Variants in CDYL observed in about 807,000 individuals in gnomAD.
CDYL encodes chromodomain Y like, also known as chromodomain Y-like protein.
In CDYL, 8 loss-of-function variants were observed where a neutral mutation model predicts 47.3. The observed-to-expected ratio is 0.17, with a 90% CI of 0.10 to 0.31. The LOEUF is 0.31. Ranked by LOEUF, CDYL falls within the 10% of genes least tolerant of loss-of-function variation. The pLI, the probability that CDYL is intolerant of heterozygous loss-of-function variation, is 1.00. For missense variants in CDYL, 471 were observed against 701.4 expected (o/e 0.67, Z 3.71); for synonymous variants, 266 against 265.0 (o/e 1.00, Z -0.04).
intron 2 of CDYL, among the ~76,000 whole-genome samples, chr6:4,930,976 C>T (rs1245632222): frequency 6.6e-6 from 1 of 152,056 alleles, no homozygotes; most frequent in Non-Finnish European, 1.5e-5. Context: ...CGGTTTTTTT[C>T]TGAATCTCAG....
At chr6:4,885,393 G>A (rs1761874440) in intron 1 of CDYL, among the ~76,000 whole-genome samples, 1 of 152,174 alleles carries the variant, frequency 6.6e-6, no homozygotes, top group African/African-American at 2.4e-5. Flanking sequence ...CCTTTGTTCA[G>A]TGTCTCCATG....
intron 1 of CDYL, among the ~76,000 whole-genome samples, chr6:4,839,446 T>C (rs941994957): frequency 1.3e-5 from 2 of 152,258 alleles, no homozygotes; most frequent in African/African-American, 4.8e-5. Flanking sequence ...TATTTATCTT[T>C]GTTTTTGTTG....
intron 1 of CDYL, among the ~76,000 whole-genome samples, chr6:4,795,722 A>G (rs377453042): frequency 1.3e-5 from 2 of 150,858 alleles, no homozygotes; most frequent in East Asian, 3.9e-4. Context: ...TTTTTTTTAA[A>G]GAATCAGTTT....
intron 1 of CDYL, among the ~76,000 whole-genome samples, chr6:4,842,107 ATTAT>A (rs1760514495): frequency 6.9e-6 from 1 of 143,978 alleles, no homozygotes. Flanking sequence ...ATATATTTAT[ATTAT>A]TTATATATAA....
chr6:4,941,640 T>C (rs1758362430), intron 4 of CDYL, among the ~76,000 whole-genome samples: 1 of 152,374 alleles, frequency 6.6e-6, no homozygotes, highest in East Asian at 1.9e-4. Flanking sequence ...TATCAAAATC[T>C]AAGTTTCGAC....
At chr6:4,724,315 T>G (rs1285006445) in intron 2 of CDYL, 2 of 151,996 alleles carry the variant, frequency 1.3e-5, no homozygotes, top group African/African-American at 4.8e-5. Flanking sequence ...CCTCCCAACG[T>G]GATGGGATTA....
At chr6:4,852,249 T>C (rs1452653641) in intron 1 of CDYL, among the ~76,000 whole-genome samples, 2 of 152,220 alleles carry the variant, frequency 1.3e-5, no homozygotes, top group East Asian at 3.9e-4. Context: ...GGTGGAACTA[T>C]TTTGCAAGGA....
chr6:4,947,735 A>G (rs767848998), intron 5 of CDYL, among the ~76,000 whole-genome samples: 107 of 152,140 alleles, frequency 7.0e-4, no homozygotes, highest in Admixed American at 1.5e-3. Context: ...GGTCTGGTAG[A>G]TTAGGTGCCA....
chr6:4,915,857 G>A (rs1757541546), intron 2 of CDYL, among the ~76,000 whole-genome samples: 1 of 152,152 alleles, frequency 6.6e-6, no homozygotes, highest in Admixed American at 6.5e-5. Context: ...CTGCTACCTG[G>A]AGACTTCGTC....
intron 1 of CDYL, among the ~76,000 whole-genome samples, chr6:4,826,121 AGTT>A (rs1202102446): frequency 1.3e-5 from 2 of 152,240 alleles, no homozygotes; most frequent in Non-Finnish European, 2.9e-5. Context: ...GACTAGGATC[AGTT>A]GTTTGTAGGA....
At chr6:4,906,035 G>A (rs1757224383) in intron 2 of CDYL, among the ~76,000 whole-genome samples, 2 of 152,148 alleles carry the variant, frequency 1.3e-5, no homozygotes, top group Non-Finnish European at 1.5e-5. Flanking sequence ...AAAATCAAAT[G>A]GTAAGATGAC....
chr6:4,890,808 AGATACAGAGTCACATGCTGCCCCCAG>A (rs1370611625), intron 1 of CDYL, among the ~76,000 whole-genome samples: 2 of 152,242 alleles, frequency 1.3e-5, no homozygotes, highest in African/African-American at 4.8e-5. Context: ...TCTGCCCACA[AGATACAGAGTCACATGCTGCCCCCAG>A]GATGCAAGCT....
chr6:4,952,854 A>C (rs960899909), intron 6 of CDYL, among the ~76,000 whole-genome samples: 1 of 150,572 alleles, frequency 6.6e-6, no homozygotes, highest in South Asian at 2.1e-4. Flanking sequence ...TGCAACCTCA[A>C]CCTCCCGGGT....
In CDYL at chr6:4,953,942, G is replaced by A; in HGVS notation, c.1521G>A (p.Met507Ile). Residue 507 changes from methionine to isoleucine, a missense_variant, in exon 7 of 7, where the codon ATG becomes ATA. This residue lies in a region of CDYL where 57 missense variants were observed against 74.3 expected (regional missense o/e 0.77). Transcript: ENST00000397588. ...SKALVRCNMK[M>I]ELEQANEREC... Reference sequence around the variant, plus strand: ...CCCTCGTGCGCTGCAACATGAAGATGGAGCTGGAGCAGGCCAACGAGAGGG... The same window carrying A: ...CCCTCGTGCGCTGCAACATGAAGATAGAGCTGGAGCAGGCCAACGAGAGGG... 2 of 1,614,090 alleles carry A rather than the reference G, an allele frequency of 1.2e-6. No homozygotes were observed. The highest frequency in any genetic ancestry group is 8.5e-7 in the Non-Finnish European group (1 of 1,180,000).
At chr6:4,791,522 T>A (rs1433266346) in intron 1 of CDYL, among the ~76,000 whole-genome samples, 1 of 152,224 alleles carries the variant, frequency 6.6e-6, no homozygotes. Flanking sequence ...GAGGATATTC[T>A]GTGTTGTCAA....
chr6:4,761,489 G>A (rs527904661), intron 3 of CDYL, among the ~76,000 whole-genome samples: 16 of 152,088 alleles, frequency 1.1e-4, no homozygotes, highest in South Asian at 4.2e-4. Context: ...GATTACAGGC[G>A]TCCGCCACCA....
At chr6:4,911,047 C>G (rs532539617) in intron 2 of CDYL, among the ~76,000 whole-genome samples, 15 of 152,220 alleles carry the variant, frequency 9.9e-5, no homozygotes, top group African/African-American at 3.4e-4. Context: ...ACCGTGGTCT[C>G]GATCTCTTGA....
intron 2 of CDYL, among the ~76,000 whole-genome samples, chr6:4,907,384 C>T (rs535136091): frequency 8.5e-5 from 13 of 152,232 alleles, no homozygotes; most frequent in Middle Eastern, 3.4e-3. Flanking sequence ...AGACAGGGTC[C>T]GGCTCCGTCT....
chr6:4,896,365 T>C (rs911287269), intron 2 of CDYL, among the ~76,000 whole-genome samples: 5 of 152,354 alleles, frequency 3.3e-5, no homozygotes, highest in African/African-American at 1.2e-4. Flanking sequence ...GAAAGCATTT[T>C]GTTTTTCCAG....
Sources: allele counts gnomAD v4.1 joint callset (sites outside exome capture counted in the v4.1 genomes callset), GRCh38; gene constraint gnomAD v4.1.1; regional missense constraint gnomAD v4.1.1; transcripts MANE v1.5; gene names NCBI Gene and HGNC (gene_info 2026-07-23, HGNC 2026-07-21).